The following NAT1 variants were observed in gnomAD, a reference collection of about 807,000 sequenced individuals.
NAT1 encodes N-acetyltransferase 1.
For synonymous variants in NAT1, 144 were observed against 122.6 expected, an observed-to-expected ratio of 1.17 and a Z score of -1.16; for missense variants, 400 against 339.2, an observed-to-expected ratio of 1.18 and a Z score of -1.41.
chr8:18,218,390 G>A (rs1804916825), intron 1 of NAT1, among the ~76,000 whole-genome samples: 1 of 152,122 alleles, frequency 6.6e-6, no homozygotes, highest in Admixed American at 6.6e-5. Context: ...GGTACCTACG[G>A]AGCATGTCAC....
upstream of NAT1, among the ~76,000 whole-genome samples, chr8:18,209,297 C>A (rs28359475): frequency 3.3e-3 from 503 of 152,234 alleles, 2 homozygotes; most frequent in Non-Finnish European, 4.7e-3. Context: ...CAGTAGGTGC[C>A]GAAGGCACAG....
chr8:18,207,719 G>T (rs527651378), upstream of NAT1, among the ~76,000 whole-genome samples: 8 of 152,314 alleles, frequency 5.3e-5, no homozygotes, highest in African/African-American at 1.9e-4. Flanking sequence ...ATTCCTCAAA[G>T]TCCTAGAATC....
rs1554478607 is a variant in NAT1, at chr8:18,222,702, A to G, written c.655A>G (p.Ser219Gly). The change falls in exon 3 of 3, where the codon AGT (serine) becomes GGT (glycine). Residue 219 changes from serine (S) to glycine (G), a missense_variant. Transcript: ENST00000307719. The stretch of plus-strand genomic sequence containing the variant: ...GACATCTCCATCATCTGTGTTTACT[A>G]GTAAATCATTTTGTTCCTTGCAGAC... Reference protein sequence around the residue: ...LQTSPSSVFTSKSFCSLQTPD... With the variant: ...LQTSPSSVFTGKSFCSLQTPD... The G allele has an allele frequency of 6.2e-7, 1 of 1,614,064 alleles. No homozygotes were observed. The highest frequency in any genetic ancestry group is 1.1e-5 in the South Asian group (1 of 91,068).
chr8:18,199,601 C>G (rs936307998), intron 2 of NAT1, among the ~76,000 whole-genome samples: 5 of 152,142 alleles, frequency 3.3e-5, no homozygotes, highest in African/African-American at 1.2e-4. Flanking sequence ...GTTCTGCTCT[C>G]TCTTGAATTG....
At chr8:18,208,626 G>A (rs1328206952), upstream of NAT1, among the ~76,000 whole-genome samples, 1 of 152,184 alleles carries the variant, frequency 6.6e-6, no homozygotes, top group Admixed American at 6.5e-5. Flanking sequence ...ATATCCTCAC[G>A]AGCCCAGGCG....
At chr8:18,217,660 G>T (rs545053733) in intron 1 of NAT1, among the ~76,000 whole-genome samples, 1 of 152,298 alleles carries the variant, frequency 6.6e-6, no homozygotes, top group African/African-American at 2.4e-5. Context: ...AAAAGGCACC[G>T]CAGAGATTCA....
intron 1 of NAT1, among the ~76,000 whole-genome samples, chr8:18,215,801 T>A (rs182594593): frequency 6.6e-6 from 1 of 152,322 alleles, no homozygotes; most frequent in Admixed American, 6.5e-5. Flanking sequence ...GAATCTGGTG[T>A]GGCTGGTGAG....
intron 2 of NAT1, among the ~76,000 whole-genome samples, chr8:18,175,152 T>G (rs182322771): frequency 1.8e-4 from 28 of 152,222 alleles, no homozygotes; most frequent in Middle Eastern, 3.4e-3. Flanking sequence ...ATGTATACAT[T>G]GTAGAAAGAG....
At chr8:18,199,244 G>T (rs985254193) in intron 2 of NAT1, among the ~76,000 whole-genome samples, 2 of 150,960 alleles carry the variant, frequency 1.3e-5, no homozygotes, top group African/African-American at 4.9e-5. Context: ...AACCCAGGAG[G>T]TGGAGTTTGC....
intron 2 of NAT1, among the ~76,000 whole-genome samples, chr8:18,220,860 C>T (rs1805206227): frequency 1.3e-5 from 2 of 152,156 alleles, no homozygotes; most frequent in Non-Finnish European, 2.9e-5. Flanking sequence ...CATATGTTAT[C>T]CATGAGCCAA....
intron 1 of NAT1, among the ~76,000 whole-genome samples, chr8:18,213,722 T>G (rs1005950836): frequency 1.3e-5 from 2 of 152,170 alleles, no homozygotes; most frequent in African/African-American, 4.8e-5. Context: ...CCTAAAAAAT[T>G]ATCTTTTAAC....
At chr8:18,188,994 C>A (rs1169965821) in intron 2 of NAT1, among the ~76,000 whole-genome samples, 380 of 82,992 alleles carry the variant, frequency 4.6e-3, no homozygotes, top group Middle Eastern at 0.014. Context: ...GACTCCGACT[C>A]AAAAAAAAAA....
At chr8:18,192,416 G>T (rs1485691643) in intron 2 of NAT1, among the ~76,000 whole-genome samples, 1 of 152,204 alleles carries the variant, frequency 6.6e-6, no homozygotes, top group Non-Finnish European at 1.5e-5. Context: ...TTCAACCATT[G>T]TGGAAGTCAG....
Position 18,223,074 on chromosome 8 carries a change from A to G in NAT1, c.*154A>G. The G allele has an allele frequency of 5.2e-6, 2 of 388,074 alleles. No individual in the cohort carries two copies. The highest frequency in any genetic ancestry group is 8.9e-6 in the Non-Finnish European group (2 of 225,674). The allele number at this position is 388,074 out of a possible 1,614,324, so 24.0% of individuals were successfully genotyped here. On this transcript the variant is annotated 3_prime_UTR_variant, in exon 3 of 3. Transcript: ENST00000307719. The stretch of plus-strand genomic sequence containing the variant: ...ATAAAAATGTCATCATATATAATTA[A>G]ACAGCTTTTTAAAGAAACATAACCA...
intron 2 of NAT1, among the ~76,000 whole-genome samples, chr8:18,188,823 C>T (rs1177139393): frequency 1.3e-5 from 2 of 151,010 alleles, no homozygotes; most frequent in Non-Finnish European, 3.0e-5. Context: ...GATGAAACCC[C>T]GTCTCTACTA....
At chr8:18,204,590 A>G (rs182230657) in intron 2 of NAT1, among the ~76,000 whole-genome samples, 31 of 152,266 alleles carry the variant, frequency 2.0e-4, no homozygotes, top group Admixed American at 1.2e-3. Flanking sequence ...CAATCTGTTA[A>G]TATACAAAAA....
At chr8:18,184,159 T>A (rs995543977) in intron 2 of NAT1, among the ~76,000 whole-genome samples, 1 of 152,176 alleles carries the variant, frequency 6.6e-6, no homozygotes, top group Non-Finnish European at 1.5e-5. Flanking sequence ...TGCCATAACA[T>A]CCTTTGAAGT....
At chr8:18,198,011 A>T (rs1803306660) in intron 2 of NAT1, among the ~76,000 whole-genome samples, 1 of 152,198 alleles carries the variant, frequency 6.6e-6, no homozygotes, top group South Asian at 2.1e-4. Context: ...ATACTTACTA[A>T]AATTGCTAGC....
At chr8:18,191,147 T>A (rs903484136) in intron 2 of NAT1, among the ~76,000 whole-genome samples, 1 of 152,170 alleles carries the variant, frequency 6.6e-6, no homozygotes, top group African/African-American at 2.4e-5. Context: ...GAACTATGGA[T>A]CAAATATTAA....
Sources: allele counts gnomAD v4.1 joint callset (sites outside exome capture counted in the v4.1 genomes callset), GRCh38; gene constraint gnomAD v4.1.1; transcripts MANE v1.5; gene names NCBI Gene and HGNC (gene_info 2026-07-23, HGNC 2026-07-21).